The following NLRC3 variants were observed in gnomAD, a reference collection of about 807,000 sequenced individuals.
NLRC3 encodes NLR family CARD domain containing 3.
NLRC3 carries 87 observed loss-of-function variants against 91.6 expected under a neutral mutation model. The ratio of observed to expected loss-of-function variants is 0.95; its 90% CI spans 0.80 to 1.14. The LOEUF is 1.14. NLRC3 is among the 50% of genes most tolerant of loss of function. The pLI, the probability that NLRC3 is intolerant of heterozygous loss-of-function variation, is 0.00. For missense variants in NLRC3, 1,577 were observed against 1,418.6 expected, an observed-to-expected ratio of 1.11 and a Z score of -1.79; for synonymous variants, 694 against 625.3, an observed-to-expected ratio of 1.11 and a Z score of -1.64.
At chr16:3,572,609 T>C (rs1431256913) in intron 1 of NLRC3, among the ~76,000 whole-genome samples, 1 of 152,198 alleles carries the variant, frequency 6.6e-6, no homozygotes. Flanking sequence ...TCTTAATTCA[T>C]AGTGGGTGGA....
At position 3,539,636 on chromosome 16, in the gene NLRC3, A is replaced by G. The variant is rs2038322965; in HGVS notation, c.*2189T>C. 1 of 152,224 alleles carries G rather than the reference A, an allele frequency of 6.6e-6. No individual in the cohort carries two copies. 9.4% of individuals were successfully genotyped at this position (152,224 alleles called of 1,614,324 possible). ...AGAAACAATGCAAACCAGCAGACAG[A>G]GCATCACCTTGAAAGTACTAAAACA... On this transcript the variant is annotated 3_prime_UTR_variant, in exon 20 of 20. Coordinates refer to ENST00000359128, the MANE Select transcript of NLRC3 (RefSeq NM_178844.4).
Position 3,564,131 on chromosome 16 carries a change from G to A in NLRC3, c.806C>T (p.Pro269Leu), listed in dbSNP as rs1268394317. The A allele has an allele frequency of 1.2e-6, 2 of 1,613,690 alleles. No individual in the cohort carries two copies. The highest frequency in any genetic ancestry group is 1.7e-5 in the Admixed American group (1 of 60,026). ...CCCTGGGATCTGGCCAGATGCACTG[G>A]GACGGGAGGTGATCCAGATGGAAAC... ...PEVSIWITSRPSASGQIPGGL... is the reference protein window; with the variant it reads ...PEVSIWITSRLSASGQIPGGL... Residue 269 changes from proline to leucine, a missense_variant, in exon 5 of 20, where the codon CCC becomes CTC. Pro to Leu is a moderately conservative substitution (Grantham distance 98). Coordinates refer to ENST00000359128, the MANE Select transcript of NLRC3 (RefSeq NM_178844.4). This position sits in a 1 kb window ranked among gnomAD's most constrained non-coding sequence, Gnocchi z 5.9.
Position 3,544,074 on chromosome 16 carries a change from C to T in NLRC3, c.2855+172G>A, listed in dbSNP as rs2151080578. ...ATGGGAGGCTGAGGCTTGAGAATCA[C>T]TTGAACCCAGGAGGTGGAGGTTACA... On this transcript the variant is annotated intron_variant, in intron 16 of 19. Transcript: ENST00000359128. The T allele has an allele frequency of 3.4e-6, 2 of 583,368 alleles. 1 individual carries two copies. The highest frequency in any genetic ancestry group is 3.8e-5 in the African/African-American group (2 of 53,248). 36.1% of individuals were successfully genotyped at this position (583,368 alleles called of 1,614,324 possible). A position where few individuals can be genotyped will look rare whatever the true frequency, so the allele number is the denominator to read the frequency against.
chr16:3,548,882 A>G, intron 13 of NLRC3, 129 bp from the exon 14 acceptor site: 3 of 693,324 alleles, frequency 4.3e-6, no homozygotes, highest in Non-Finnish European at 7.5e-6. Context: ...TCCTGGGGAT[A>G]CGTTGCCCAA....
At chr16:3,550,921 A>G (rs2038959233) in intron 10 of NLRC3, among the ~76,000 whole-genome samples, 1 of 152,040 alleles carries the variant, frequency 6.6e-6, no homozygotes, top group African/African-American at 2.4e-5. Flanking sequence ...CAGCACTCAC[A>G]CTTCCATCCA....
chr16:3,564,746 T>C lies in NLRC3; in HGVS notation c.191A>G (p.Gln64Arg). The C allele has an allele frequency of 1.3e-6, 2 of 1,582,970 alleles. No individual in the cohort carries two copies. Among genetic ancestry groups the C allele is most frequent in the Non-Finnish European group, 1.7e-6 (2 of 1,170,014 alleles). ...GCTCAGCAGGGCCTTGCGGTGCCTC[T>C]GTATCCTTGAGTCTGCGGGACAGAG... ...LGPCSNDSRIQRHRKALLSKV... is the reference protein window; with the variant it reads ...LGPCSNDSRIRRHRKALLSKV... The change falls in exon 5 of 20, where the codon CAG (glutamine) becomes CGG (arginine). Residue 64 changes from glutamine (Q) to arginine (R), a missense_variant. Physicochemically the swap from Gln to Arg is conservative, Grantham distance 43. Coordinates refer to ENST00000359128, the MANE Select transcript of NLRC3 (RefSeq NM_178844.4). This position sits in a 1 kb window ranked among gnomAD's most constrained non-coding sequence, Gnocchi z 5.9.
chr16:3,565,400 T>G lies in NLRC3; in HGVS notation c.-86-20A>C. 2.1e-6 allele frequency: 1 copy of G among 480,582 alleles called. No individual in the cohort carries two copies. Among genetic ancestry groups the G allele is most frequent in the Non-Finnish European group, 4.0e-6 (1 of 250,712 alleles). 29.8% of individuals were successfully genotyped at this position (480,582 alleles called of 1,614,324 possible). A position where few individuals can be genotyped will look rare whatever the true frequency, so the allele number is the denominator to read the frequency against. ...TGTGACCTGGAAATGATGATGAGGT[T>G]ACAAGTAAGTTTGCTCAAAAGGAGG... On this transcript the variant is annotated intron_variant, in intron 2 of 19. Coordinates refer to ENST00000359128, the MANE Select transcript of NLRC3 (RefSeq NM_178844.4).
In NLRC3 at chr16:3,577,193, C is replaced by T. The variant is rs868213227; in HGVS notation, c.-213G>A. ...CTCCAGGGACAGCAAGACTGGGGGG[C>T]CTGGGGGCGTCCATCTCCATGCTCC... On this transcript the variant is annotated 5_prime_UTR_variant, in exon 1 of 20. Transcript: ENST00000359128. 2 of 703,024 alleles carry T rather than the reference C, an allele frequency of 2.8e-6. No homozygotes were observed. Among genetic ancestry groups the T allele is most frequent in the South Asian group, 1.5e-5 (1 of 67,604 alleles). 43.5% of individuals were successfully genotyped at this position (703,024 alleles called of 1,614,324 possible).
intron 5 of NLRC3, 66 bp from the exon 6 acceptor site, chr16:3,561,854 C>G: frequency 1.7e-6 from 2 of 1,146,332 alleles, no homozygotes; most frequent in Non-Finnish European, 1.3e-6. Flanking sequence ...GGCCCTGGCC[C>G]GGGGCCTCTG....
chr16:3,574,798 C>G (rs530729043), intron 1 of NLRC3, among the ~76,000 whole-genome samples: 29 of 152,016 alleles, frequency 1.9e-4, no homozygotes, highest in Non-Finnish European at 3.1e-4. Flanking sequence ...CCCATCTCTA[C>G]GAAAAATACA....
intron 11 of NLRC3, 57 bp from the exon 12 acceptor site, chr16:3,549,837 C>T: frequency 7.6e-7 from 1 of 1,308,792 alleles, no homozygotes. Context: ...AGGGAGCTGC[C>T]CTGTCCCAGT....
At chr16:3,571,382 A>G (rs1459910596) in intron 1 of NLRC3, among the ~76,000 whole-genome samples, 1 of 134,040 alleles carries the variant, frequency 7.5e-6, no homozygotes, top group East Asian at 2.2e-4. Flanking sequence ...CACCATCTCT[A>G]CAAAAAAAAA....
intron 8 of NLRC3, among the ~76,000 whole-genome samples, chr16:3,554,758 A>C (rs2039211290): frequency 6.6e-6 from 1 of 152,326 alleles, no homozygotes; most frequent in Admixed American, 6.5e-5. Flanking sequence ...CAGCAATTCC[A>C]TTCCTAGGTA....
chr16:3,573,937 G>GCCTC (rs1206629329), intron 1 of NLRC3, among the ~76,000 whole-genome samples: 4 of 144,060 alleles, frequency 2.8e-5, no homozygotes, highest in Non-Finnish European at 6.0e-5. Flanking sequence ...TCCCACCTCA[G>GCCTC]CCTCCCAAGT....
Position 3,557,006 on chromosome 16 carries a change from G to C in NLRC3, c.2100-12C>G. ...AGTTACCGCGGAGGCTGAAGGAAGA[G>C]AGAAAGAGACACCTCCTTCATCTGT... On this transcript the variant is annotated splice_polypyrimidine_tract_variant and intron_variant, in intron 7 of 19. Coordinates refer to ENST00000359128, the MANE Select transcript of NLRC3 (RefSeq NM_178844.4). The C allele has an allele frequency of 6.3e-7, 1 of 1,594,660 alleles. No homozygotes were observed. Among genetic ancestry groups the C allele is most frequent in the Non-Finnish European group, 8.6e-7 (1 of 1,162,408 alleles).
At position 3,548,690 on chromosome 16, in the gene NLRC3, GT is replaced by G. The variant is rs779649895; in HGVS notation, c.2666del (p.Asn889ThrfsTer35). On this transcript the variant is annotated frameshift_variant, in exon 14 of 20. Coordinates refer to ENST00000359128, the MANE Select transcript of NLRC3 (RefSeq NM_178844.4). LOFTEE classifies it high-confidence loss of function. ...ARAIAVAVRE[N>X]RTLTSLHLQW... is the part of the protein sequence containing the mutation. ...CTCACTGAAGGGAGGTGAGGGTGCG[GT>G]TTTCTCTCACTGCCACTGCGATGGC... 1 of 1,595,458 alleles carries G rather than the reference GT, an allele frequency of 6.3e-7. No homozygotes were observed. Among genetic ancestry groups the G allele is most frequent in the East Asian group, 2.3e-5 (1 of 44,102 alleles).
chr16:3,568,333 A>C (rs1053676810), intron 1 of NLRC3, among the ~76,000 whole-genome samples: 1 of 152,214 alleles, frequency 6.6e-6, no homozygotes, highest in Admixed American at 6.6e-5. Flanking sequence ...CTAACCTGGA[A>C]CATTAGGAAC....
chr16:3,556,287 C>CACCACTGCA, intron 8 of NLRC3, among the ~76,000 whole-genome samples: 1 of 118,430 alleles, frequency 8.4e-6, no homozygotes, highest in African/African-American at 3.3e-5. Context: ...GACAAGATCT[C>CACCACTGCA]CAGCCTGGGT....
At position 3,577,236 on chromosome 16, in the gene NLRC3, C is replaced by T. The variant is rs1263240329; in HGVS notation, c.-256G>A. Reference sequence around the variant, plus strand: ...CATGCTCCTGGGCTCAGCCCTGCTCCAGCTGCGTGGTGGTAGATGCCCTGG... The same window carrying T: ...CATGCTCCTGGGCTCAGCCCTGCTCTAGCTGCGTGGTGGTAGATGCCCTGG... On this transcript the variant is annotated 5_prime_UTR_variant, in exon 1 of 20. Coordinates refer to ENST00000359128, the MANE Select transcript of NLRC3 (RefSeq NM_178844.4). 1.4e-6 allele frequency: 1 copy of T among 702,482 alleles called. No homozygotes were observed. Among genetic ancestry groups the T allele is most frequent in the Non-Finnish European group, 2.6e-6 (1 of 384,694 alleles). 43.5% of individuals were successfully genotyped at this position (702,482 alleles called of 1,614,324 possible).
Sources: allele counts gnomAD v4.1 joint callset (sites outside exome capture counted in the v4.1 genomes callset), GRCh38; gene constraint gnomAD v4.1.1; non-coding constraint Gnocchi (gnomAD v3.1); transcripts MANE v1.5; gene names NCBI Gene and HGNC (gene_info 2026-07-23, HGNC 2026-07-21).